The following ATP9B variants were observed in gnomAD, a reference collection of about 807,000 sequenced individuals.
The protein encoded by ATP9B is probable phospholipid-transporting ATPase IIB.
Under a neutral mutation model 146.1 loss-of-function variants are expected in ATP9B, and 110 were observed. The observed-to-expected ratio is 0.75, with a 90% CI of 0.65 to 0.88. The LOEUF (loss-of-function observed/expected upper bound fraction) is 0.88. ATP9B is among the 40% of genes least tolerant of loss of function. ATP9B has a pLI of 0.00. For missense variants in ATP9B, 1,499 were observed against 1,496.4 expected (o/e 1.00, Z -0.03); for synonymous variants, 604 against 569.7 (o/e 1.06, Z -0.86).
chr18:79,181,752 G>A (rs1017383594), intron 8 of ATP9B, among the ~76,000 whole-genome samples: 4 of 152,026 alleles, frequency 2.6e-5, no homozygotes, highest in South Asian at 4.1e-4. Context: ...TGTTTCATAC[G>A]TTTCTCTCAT....
intron 8 of ATP9B, among the ~76,000 whole-genome samples, chr18:79,182,138 A>T (rs575926181): frequency 6.6e-6 from 1 of 152,272 alleles, no homozygotes; most frequent in South Asian, 2.1e-4. Flanking sequence ...TGGAATGCTA[A>T]TTAATCCTGT....
chr18:79,300,561 C>A (rs2146406416), intron 13 of ATP9B, among the ~76,000 whole-genome samples: 1 of 152,218 alleles, frequency 6.6e-6, no homozygotes. Context: ...GGACACAAAC[C>A]CCTTTGTGAG....
intron 12 of ATP9B, among the ~76,000 whole-genome samples, chr18:79,266,882 A>C (rs566312428): frequency 2.0e-5 from 3 of 152,070 alleles, no homozygotes; most frequent in Non-Finnish European, 4.4e-5. Context: ...ACATTGATTT[A>C]CAGGAGTGAA....
At position 79,374,138 on chromosome 18, in the gene ATP9B, T is replaced by C. The variant is rs752323482; in HGVS notation, c.3274+37T>C. The C allele has an allele frequency of 5.0e-6, 8 of 1,589,556 alleles. No homozygotes were observed. The South Asian group carries it at 6.7e-5, about 13-fold the overall frequency. ...TGGAATTGTTTTTTGAATCGTTCTC[T>C]ATTCATGATTTTGAAGTATTTTCTT... is the stretch of plus-strand genomic sequence containing the variant. On this transcript the variant is annotated intron_variant, in intron 28 of 29. Transcript: ENST00000426216.
chr18:79,326,079 C>T (rs59718022), intron 15 of ATP9B, among the ~76,000 whole-genome samples: 163 of 27,094 alleles, frequency 6.0e-3, no homozygotes, highest in Middle Eastern at 0.038. Flanking sequence ...TAGGGTGTCA[C>T]CTCTGTACCC....
chr18:79,362,087 C>T (rs1303930230), intron 26 of ATP9B: 2 of 152,236 alleles, frequency 1.3e-5, no homozygotes, highest in African/African-American at 4.8e-5. Flanking sequence ...TATCTCAGGT[C>T]ACCGTAAATT....
At chr18:79,267,487 T>C (rs2096215014) in intron 12 of ATP9B, among the ~76,000 whole-genome samples, 2 of 152,104 alleles carry the variant, frequency 1.3e-5, no homozygotes, top group Non-Finnish European at 2.9e-5. Context: ...ATATATGTAT[T>C]GGAGGCTATA....
chr18:79,184,844 A>G (rs530181585), intron 8 of ATP9B, among the ~76,000 whole-genome samples: 1 of 152,314 alleles, frequency 6.6e-6, no homozygotes, highest in South Asian at 2.1e-4. Context: ...GAACCTTCCA[A>G]GAATTCTAGG....
At chr18:79,130,897 A>G (rs1393533227) in intron 5 of ATP9B, among the ~76,000 whole-genome samples, 1 of 152,250 alleles carries the variant, frequency 6.6e-6, no homozygotes, top group Non-Finnish European at 1.5e-5. Context: ...CTGGTGGCCC[A>G]TGCCTGTAAT....
At chr18:79,192,103 A>G (rs1292893910) in intron 8 of ATP9B, among the ~76,000 whole-genome samples, 1 of 152,118 alleles carries the variant, frequency 6.6e-6, no homozygotes, top group Middle Eastern at 3.2e-3. Flanking sequence ...TGTCAGAATG[A>G]GATCATACAC....
intron 1 of ATP9B, among the ~76,000 whole-genome samples, chr18:79,071,053 T>C (rs1391502629): frequency 6.8e-6 from 1 of 148,140 alleles, no homozygotes. Flanking sequence ...CTGTTTCTTT[T>C]TTTTTTTTTT....
intron 1 of ATP9B, among the ~76,000 whole-genome samples, chr18:79,086,683 A>G (rs1273449999): frequency 6.6e-6 from 1 of 152,158 alleles, no homozygotes; most frequent in Non-Finnish European, 1.5e-5. Flanking sequence ...ACTCTAATTC[A>G]GAAGTTTTTC....
intron 5 of ATP9B, among the ~76,000 whole-genome samples, chr18:79,133,387 C>T (rs1361743042): frequency 6.6e-6 from 1 of 152,076 alleles, no homozygotes; most frequent in East Asian, 1.9e-4. Context: ...TTGCACCAAC[C>T]TGTATTTCTG....
chr18:79,159,882 A>C (rs1287991714), intron 7 of ATP9B, among the ~76,000 whole-genome samples: 1 of 152,184 alleles, frequency 6.6e-6, no homozygotes, highest in Non-Finnish European at 1.5e-5. Flanking sequence ...TCTTCCTGGG[A>C]AACTGTAACT....
chr18:79,299,893 T>A (rs1599760224), intron 13 of ATP9B: 1 of 152,232 alleles, frequency 6.6e-6, no homozygotes, highest in East Asian at 1.9e-4. Flanking sequence ...CTGCTGCAGA[T>A]GGGCAGCTCT....
At chr18:79,238,637 G>A (rs572713160) in intron 11 of ATP9B, among the ~76,000 whole-genome samples, 12 of 152,240 alleles carry the variant, frequency 7.9e-5, no homozygotes, top group African/African-American at 2.9e-4. Context: ...CTGCTGTCTC[G>A]GCAGCTGTGG....
At chr18:79,280,801 G>A (rs1224096060) in intron 13 of ATP9B, among the ~76,000 whole-genome samples, 1 of 151,844 alleles carries the variant, frequency 6.6e-6, no homozygotes, top group Non-Finnish European at 1.5e-5. Flanking sequence ...AAAAAGAGAT[G>A]AGTTAGAAGT....
intron 6 of ATP9B, among the ~76,000 whole-genome samples, chr18:79,148,592 A>G (rs79926106): frequency 1.3e-5 from 2 of 152,142 alleles, no homozygotes; most frequent in African/African-American, 2.4e-5. Flanking sequence ...GACAGTAACA[A>G]TATCTTGTTT....
chr18:79,259,971 T>C (rs556234802), intron 12 of ATP9B, among the ~76,000 whole-genome samples: 23 of 152,240 alleles, frequency 1.5e-4, no homozygotes, highest in African/African-American at 5.5e-4. Flanking sequence ...ATTTGGAAAA[T>C]TTGGAGCCTA....
Sources: gnomAD v4.1 joint callset for allele counts (sites outside exome capture counted in the v4.1 genomes callset) on GRCh38, gnomAD v4.1.1 for gene constraint, MANE v1.5 for transcripts, NCBI Gene and HGNC (gene_info 2026-07-23, HGNC 2026-07-21) for gene names.